Variants in PIP5K1B observed in about 807,000 individuals in gnomAD.
The protein encoded by PIP5K1B is phosphatidylinositol-4-phosphate 5-kinase type 1 beta, also known as phosphatidylinositol 4-phosphate 5-kinase type-1 beta.
In PIP5K1B, 42 loss-of-function variants were observed where a neutral mutation model predicts 67.0. That is an observed-to-expected ratio of 0.63 (90% confidence interval 0.49 to 0.81). The LOEUF is 0.81. Ranked by LOEUF, PIP5K1B falls within the 30% of genes least tolerant of loss-of-function variation. The probability of loss-of-function intolerance (pLI) is 0.00; values close to 1 mark genes in which losing one functional copy is unlikely to be tolerated. For synonymous variants in PIP5K1B, 214 were observed against 231.4 expected (o/e 0.92, Z 0.68); for missense variants, 459 against 646.3 (o/e 0.71, Z 3.14).
At chr9:68,838,148 T>C (rs1821728698) in intron 4 of PIP5K1B, among the ~76,000 whole-genome samples, 1 of 152,072 alleles carries the variant, frequency 6.6e-6, no homozygotes, top group African/African-American at 2.4e-5. Flanking sequence ...TCTTGATTTA[T>C]GTGAGTTTAT....
chr9:68,920,493 G>C lies in PIP5K1B; in HGVS notation c.1116+764G>C, dbSNP rs142424202. Reference sequence around the variant, plus strand: ...AGCAATTCTCTTACCTCACCCTCCTGAGTAGCTGGGACAACAGGTGCGTGC... The same window carrying C: ...AGCAATTCTCTTACCTCACCCTCCTCAGTAGCTGGGACAACAGGTGCGTGC... On this transcript the variant is annotated intron_variant, in intron 11 of 15. Transcript: ENST00000265382. 5.1e-3 allele frequency among the ~76,000 whole-genome samples: 747 copies of C among 147,496 alleles called. 5 individuals carry two copies. The highest frequency in any genetic ancestry group is 0.018 in the African/African-American group (713 of 40,124).
chr9:68,788,778 G>T, intron 2 of PIP5K1B: 1 of 255,380 alleles, frequency 3.9e-6, no homozygotes, highest in South Asian at 5.3e-5. Flanking sequence ...TGCCTGCTTG[G>T]GTCCCACCAT....
intron 8 of PIP5K1B, among the ~76,000 whole-genome samples, chr9:68,909,190 T>G (rs1382885104): frequency 3.3e-5 from 5 of 152,236 alleles, no homozygotes; most frequent in Non-Finnish European, 7.3e-5. Flanking sequence ...TTGAAAAGTT[T>G]ATACAATAAA....
chr9:68,762,337 G>A (rs1262401514), intron 2 of PIP5K1B, among the ~76,000 whole-genome samples: 2 of 152,080 alleles, frequency 1.3e-5, no homozygotes, highest in Non-Finnish European at 1.5e-5. Context: ...GTCGTGGAAT[G>A]TTGTTTTTCT....
intron 15 of PIP5K1B, among the ~76,000 whole-genome samples, chr9:68,998,674 TAGAA>T (rs1830692563): frequency 6.6e-6 from 1 of 152,104 alleles, no homozygotes; most frequent in Non-Finnish European, 1.5e-5. Context: ...ACAGCAGACT[TAGAA>T]AGAACCAGAT....
At chr9:68,763,033 G>A (rs552934096) in intron 2 of PIP5K1B, among the ~76,000 whole-genome samples, 1 of 152,238 alleles carries the variant, frequency 6.6e-6, no homozygotes, top group African/African-American at 2.4e-5. Context: ...CTCATGTTAT[G>A]TGTGAATGGG....
At chr9:68,726,224 A>C (rs562350861) in intron 1 of PIP5K1B, among the ~76,000 whole-genome samples, 1 of 152,196 alleles carries the variant, frequency 6.6e-6, no homozygotes, top group Non-Finnish European at 1.5e-5. Context: ...CCTGTATCAA[A>C]ATAATCTCAT....
chr9:68,938,918 C>T (rs1010552665), intron 13 of PIP5K1B, among the ~76,000 whole-genome samples: 3 of 152,194 alleles, frequency 2.0e-5, no homozygotes, highest in African/African-American at 7.2e-5. Flanking sequence ...CCTCTAGACC[C>T]AGATTTAAAG....
intron 11 of PIP5K1B, among the ~76,000 whole-genome samples, chr9:68,921,169 T>C (rs1762782010): frequency 6.6e-6 from 1 of 152,152 alleles, no homozygotes; most frequent in African/African-American, 2.4e-5. Flanking sequence ...TTTCCAAGAA[T>C]TAACCTCTAA....
At chr9:68,989,508 A>G (rs1173849671) in intron 14 of PIP5K1B, among the ~76,000 whole-genome samples, 2 of 149,666 alleles carry the variant, frequency 1.3e-5, no homozygotes, top group African/African-American at 4.9e-5. Flanking sequence ...CCTTCTGCCA[A>G]CTCTCCCAAC....
intron 15 of PIP5K1B, among the ~76,000 whole-genome samples, chr9:68,993,162 C>CAAA (rs34827003): frequency 1.4e-5 from 2 of 146,014 alleles, no homozygotes; most frequent in African/African-American, 5.0e-5. Flanking sequence ...ACTCCGTCTC[C>CAAA]AAAAAAAAAA....
At chr9:68,973,402 G>T (rs1387184246) in intron 14 of PIP5K1B, among the ~76,000 whole-genome samples, 1 of 152,152 alleles carries the variant, frequency 6.6e-6, no homozygotes, top group Non-Finnish European at 1.5e-5. Flanking sequence ...ATATACCTAT[G>T]AAAGATAGAC....
intron 7 of PIP5K1B, among the ~76,000 whole-genome samples, chr9:68,889,667 G>A (rs546345153): frequency 2.6e-5 from 4 of 151,202 alleles, no homozygotes; most frequent in South Asian, 2.1e-4. Context: ...CCCGGGAGGC[G>A]GAGCTTGCAG....
intron 2 of PIP5K1B, among the ~76,000 whole-genome samples, chr9:68,756,921 G>A (rs950171346): frequency 6.6e-5 from 10 of 152,098 alleles, no homozygotes; most frequent in African/African-American, 2.4e-4. Flanking sequence ...CAACTATGAA[G>A]AATTATTAAT....
At chr9:68,848,926 AAAC>A (rs1054638659) in intron 4 of PIP5K1B, among the ~76,000 whole-genome samples, 41 of 152,148 alleles carry the variant, frequency 2.7e-4, no homozygotes, top group African/African-American at 8.9e-4. Flanking sequence ...ATGGAGACTA[AAAC>A]AACAAGACTG....
chr9:68,959,335 G>A (rs1828587545), intron 14 of PIP5K1B, among the ~76,000 whole-genome samples: 1 of 151,912 alleles, frequency 6.6e-6, no homozygotes, highest in Non-Finnish European at 1.5e-5. Flanking sequence ...TATTTCTATG[G>A]AACAAAATAC....
chr9:68,730,817 CA>C (rs1564093330), intron 1 of PIP5K1B, among the ~76,000 whole-genome samples: 1 of 152,124 alleles, frequency 6.6e-6, no homozygotes, highest in Non-Finnish European at 1.5e-5. Flanking sequence ...ATGCTGGGTA[CA>C]AATTCAAATC....
At chr9:68,789,483 T>G (rs1359818999) in intron 2 of PIP5K1B, 2 of 519,452 alleles carry the variant, frequency 3.9e-6, no homozygotes, top group African/African-American at 3.9e-5. Context: ...AAAAAAGATC[T>G]TGTGGTGGTA....
chr9:68,823,871 C>T (rs907989648), intron 4 of PIP5K1B, among the ~76,000 whole-genome samples: 1 of 152,132 alleles, frequency 6.6e-6, no homozygotes, highest in African/African-American at 2.4e-5. Context: ...ATTTTCTATT[C>T]CATTTTCATA....
Sources: gnomAD v4.1 joint callset for allele counts (sites outside exome capture counted in the v4.1 genomes callset) on GRCh38, gnomAD v4.1.1 for gene constraint, MANE v1.5 for transcripts, NCBI Gene and HGNC (gene_info 2026-07-23, HGNC 2026-07-21) for gene names.